Variants in WNT8A observed in about 807,000 individuals in gnomAD.
WNT8A encodes protein Wnt-8a.
Under a neutral mutation model 20.5 loss-of-function variants are expected in WNT8A, and 14 were observed. The ratio of observed to expected loss-of-function variants is 0.68; its 90% CI spans 0.45 to 1.07. The LOEUF is 1.07. Ranked by LOEUF, WNT8A falls within the 50% of genes least tolerant of loss-of-function variation. The pLI, the probability that WNT8A is intolerant of heterozygous loss-of-function variation, is 0.00. For synonymous variants in WNT8A, 167 were observed against 169.2 expected (o/e 0.99, Z 0.10); for missense variants, 397 against 462.9 (o/e 0.86, Z 1.31).
chr5:138,083,693 T>A (rs1750566743), upstream of WNT8A, among the ~76,000 whole-genome samples: 1 of 152,164 alleles, frequency 6.6e-6, no homozygotes, highest in Admixed American at 6.6e-5. Flanking sequence ...CAAGAATAGG[T>A]GACCTGCCTT....
At chr5:138,080,445 T>TTTTTTTGG (rs199875881), upstream of WNT8A, among the ~76,000 whole-genome samples, 17 of 16,028 alleles carry the variant, frequency 1.1e-3, 1 homozygote, top group East Asian at 0.021. Context: ...GTAAATCTTG[T>TTTTTTTGG]TTTTTTTTTT....
Position 138,084,261 on chromosome 5 carries a change from A to G in WNT8A, c.134A>G (p.Asn45Ser), listed in dbSNP as rs775613386. ...TCTCTTTTTGGTAGGTCAGTGAACAATTTCCTGATAACAGGTCCCAAGGTA... is the reference window on the plus strand; with the variant it reads ...TCTCTTTTTGGTAGGTCAGTGAACAGTTTCCTGATAACAGGTCCCAAGGTA... ...TFSLFGRSVN[N>S]FLITGPKAYL... The change falls in exon 1 of 5, where the codon AAT becomes AGT. Residue 45 changes from asparagine to serine, a missense_variant. Coordinates refer to ENST00000506684, the MANE Select transcript of WNT8A (RefSeq NM_001300939.2). The G allele has an allele frequency of 6.2e-7, 1 of 1,613,952 alleles. No homozygotes were observed. Among genetic ancestry groups the G allele is most frequent in the African/African-American group, 1.3e-5 (1 of 74,946 alleles).
upstream of WNT8A, among the ~76,000 whole-genome samples, chr5:138,081,212 C>T (rs1337317586): frequency 2.7e-5 from 3 of 112,724 alleles, no homozygotes; most frequent in Admixed American, 1.1e-4. Context: ...GGCGACAGAG[C>T]GAGACTCTGT....
At position 138,090,510 on chromosome 5, in the gene WNT8A, T is replaced by G. The variant is rs370428602; in HGVS notation, c.565-18T>G. On this transcript the variant is annotated intron_variant, in intron 4 of 4. Coordinates refer to ENST00000506684, the MANE Select transcript of WNT8A (RefSeq NM_001300939.2). The stretch of plus-strand genomic sequence containing the variant: ...TTCCCTACTCAGAGCCATTCTCTTT[T>G]GTGTTCTCTCTATGAAGGCAGTGAG... 45 of 1,609,766 alleles carry G rather than the reference T, an allele frequency of 2.8e-5. No homozygotes were observed. The highest frequency in any genetic ancestry group is 3.7e-5 in the Non-Finnish European group (43 of 1,177,302).
intron 2 of WNT8A, among the ~76,000 whole-genome samples, chr5:138,086,378 C>T (rs1460816802): frequency 6.6e-6 from 1 of 151,802 alleles, no homozygotes; most frequent in Non-Finnish European, 1.5e-5. Flanking sequence ...CCCCCATGCC[C>T]GGCTAATTTT....
intron 4 of WNT8A, 93 bp from the exon 5 acceptor site, chr5:138,090,435 G>T: frequency 8.3e-7 from 1 of 1,198,716 alleles, no homozygotes; most frequent in Non-Finnish European, 1.2e-6. Flanking sequence ...CTCCTTTAAA[G>T]TCAAGAAACA....
chr5:138,081,194 G>A (rs575010430), upstream of WNT8A, among the ~76,000 whole-genome samples: 131 of 145,048 alleles, frequency 9.0e-4, no homozygotes, highest in South Asian at 2.6e-3. Context: ...CCACTGCACT[G>A]CAGCCTGGGC....
In WNT8A at chr5:138,091,227, A is replaced by G. The variant is rs1410833653; in HGVS notation, c.*154A>G. 6 of 1,553,134 alleles carry G rather than the reference A, an allele frequency of 3.9e-6. No individual in the cohort carries two copies. Among genetic ancestry groups the G allele is most frequent in the Non-Finnish European group, 5.2e-6 (6 of 1,160,714 alleles). ...CTATCAGTGGGGAAAATGGAGGCCC[A>G]AGATTCTACAGCATATTCCTGGCGG... is the stretch of plus-strand genomic sequence containing the variant. On this transcript the variant is annotated 3_prime_UTR_variant, in exon 5 of 5. Transcript: ENST00000506684.
chr5:138,078,996 CTACCTGACATTATAGATAGA>C (rs1466339450), upstream of WNT8A, among the ~76,000 whole-genome samples: 1 of 152,094 alleles, frequency 6.6e-6, no homozygotes. Context: ...TTTACGTGTT[CTACCTGACATTATAGATAGA>C]TACATACCTT....
chr5:138,079,894 T>C (rs968346773), upstream of WNT8A, among the ~76,000 whole-genome samples: 5 of 152,126 alleles, frequency 3.3e-5, no homozygotes, highest in African/African-American at 1.2e-4. Context: ...CTGTCTGCAG[T>C]GAAAAATTTA....
chr5:138,086,112 C>G (rs1271632351), intron 2 of WNT8A, among the ~76,000 whole-genome samples: 4 of 152,182 alleles, frequency 2.6e-5, no homozygotes, highest in African/African-American at 9.7e-5. Flanking sequence ...AGACTAGCAG[C>G]AGTGGCTAGT....
At chr5:138,090,425 C>A in intron 4 of WNT8A, 103 bp from the exon 5 acceptor site, 1 of 1,059,624 alleles carries the variant, frequency 9.4e-7, no homozygotes, top group Non-Finnish European at 1.4e-6. Context: ...AATTCTGATG[C>A]TCCTTTAAAG....
chr5:138,090,181 C>T (rs1750799661), intron 4 of WNT8A, among the ~76,000 whole-genome samples: 1 of 152,078 alleles, frequency 6.6e-6, no homozygotes, highest in South Asian at 2.1e-4. Context: ...TTATTATATC[C>T]AATTCTTATT....
chr5:138,081,917 G>A (rs1189471979), upstream of WNT8A, among the ~76,000 whole-genome samples: 1 of 152,168 alleles, frequency 6.6e-6, no homozygotes. Context: ...CCGACGCCAA[G>A]CCTGGCCCAT....
intron 2 of WNT8A, among the ~76,000 whole-genome samples, chr5:138,086,533 A>G (rs1356085897): frequency 1.3e-5 from 2 of 151,896 alleles, no homozygotes; most frequent in Non-Finnish European, 2.9e-5. Flanking sequence ...TACTTTCCCC[A>G]TTGGTTAACA....
At chr5:138,083,246 ACTC>A (rs1346056372), upstream of WNT8A, among the ~76,000 whole-genome samples, 12 of 149,352 alleles carry the variant, frequency 8.0e-5, no homozygotes, top group Admixed American at 7.5e-4. Context: ...GCACCACTGC[ACTC>A]CAGCCTGGGC....
At chr5:138,080,459 T>TTTTTTTTTTTTTTTTTTTG (rs1750482324), upstream of WNT8A, among the ~76,000 whole-genome samples, 1 of 126,874 alleles carries the variant, frequency 7.9e-6, no homozygotes, top group Non-Finnish European at 1.7e-5. Context: ...TTTTTTTTTT[T>TTTTTTTTTTTTTTTTTTTG]TTTTTTTTTG....
At chr5:138,089,871 A>C (rs1249318732) in intron 4 of WNT8A, among the ~76,000 whole-genome samples, 1 of 152,182 alleles carries the variant, frequency 6.6e-6, no homozygotes, top group Non-Finnish European at 1.5e-5. Flanking sequence ...CATATTGCCC[A>C]GGCTGGTCTT....
At chr5:138,083,302 A>G (rs1366144212), upstream of WNT8A, among the ~76,000 whole-genome samples, 1 of 152,028 alleles carries the variant, frequency 6.6e-6, no homozygotes, top group Non-Finnish European at 1.5e-5. Flanking sequence ...AAAAAAAGAG[A>G]AAGGCATCAG....
Sources: allele counts gnomAD v4.1 joint callset (sites outside exome capture counted in the v4.1 genomes callset), GRCh38; gene constraint gnomAD v4.1.1; transcripts MANE v1.5; gene names NCBI Gene and HGNC (gene_info 2026-07-23, HGNC 2026-07-21).